Variants in TOM1L1 observed in about 807,000 individuals in gnomAD.
TOM1L1 encodes the protein target of myb1 like 1 membrane trafficking protein.
A neutral mutation model predicts 63.4 loss-of-function variants in TOM1L1; 64 were observed. The observed-to-expected ratio is 1.01, with a 90% CI of 0.83 to 1.24. The LOEUF (loss-of-function observed/expected upper bound fraction) is 1.24, where lower values mean the gene tolerates loss of function less well. Among genes scored for constraint, TOM1L1 ranks in the 50% most tolerant of loss-of-function variants. The pLI is 0.00. For synonymous variants in TOM1L1, 166 were observed against 194.4 expected, an observed-to-expected ratio of 0.85 and a Z score of 1.22; for missense variants, 536 against 567.0, an observed-to-expected ratio of 0.95 and a Z score of 0.55.
intron 14 of TOM1L1, among the ~76,000 whole-genome samples, chr17:54,955,795 C>A (rs1033975835): frequency 2.0e-5 from 3 of 152,174 alleles, no homozygotes; most frequent in African/African-American, 7.2e-5. Context: ...AAACCCAGAC[C>A]ACTCTTTTAG....
At chr17:54,941,945 A>G (rs1312216959) in intron 11 of TOM1L1, among the ~76,000 whole-genome samples, 4 of 152,190 alleles carry the variant, frequency 2.6e-5, no homozygotes, top group Non-Finnish European at 4.4e-5. Context: ...GAGAGGCAAA[A>G]TCAGCCATTA....
intron 8 of TOM1L1, among the ~76,000 whole-genome samples, chr17:54,930,594 C>T (rs894103707): frequency 2.0e-5 from 3 of 152,154 alleles, no homozygotes; most frequent in Admixed American, 6.5e-5. Context: ...ATCCCCAGCC[C>T]TTTGGGAGGC....
At chr17:54,911,280 C>G (rs540372174) in intron 3 of TOM1L1, among the ~76,000 whole-genome samples, 31 of 152,170 alleles carry the variant, frequency 2.0e-4, no homozygotes, top group Non-Finnish European at 3.7e-4. Context: ...CTGTCAGTTA[C>G]TCTTTGATTG....
intron 3 of TOM1L1, among the ~76,000 whole-genome samples, chr17:54,910,823 C>T (rs1031397782): frequency 4.6e-5 from 7 of 152,162 alleles, no homozygotes; most frequent in African/African-American, 1.7e-4. Context: ...GGTCACAGTG[C>T]CTTAAAACTA....
At chr17:54,937,816 T>C (rs201325960) in intron 10 of TOM1L1, 1 of 142,890 alleles carries the variant, frequency 7.0e-6, no homozygotes, top group Admixed American at 6.9e-5. Context: ...ATAAAATGCA[T>C]TGTAGCAAAG....
At chr17:54,908,448 A>G (rs949188981) in intron 3 of TOM1L1, among the ~76,000 whole-genome samples, 28 of 152,246 alleles carry the variant, frequency 1.8e-4, no homozygotes, top group Admixed American at 3.9e-4. Flanking sequence ...GGAGTCACCT[A>G]TGTCTGTCAA....
intron 10 of TOM1L1, 83 bp downstream of exon 10, chr17:54,937,309 C>A: frequency 9.1e-7 from 1 of 1,095,250 alleles, no homozygotes; most frequent in Non-Finnish European, 1.4e-6. Context: ...TTAAATACCA[C>A]CTAAGAAGGA....
chr17:54,946,046 T>A (rs539687234), intron 11 of TOM1L1, among the ~76,000 whole-genome samples: 340 of 152,322 alleles, frequency 2.2e-3, no homozygotes, highest in Middle Eastern at 0.01. Context: ...CTGGCTAGAT[T>A]CATTCCACAG....
intron 14 of TOM1L1, chr17:54,959,194 G>C (rs1567850973): frequency 6.6e-6 from 1 of 152,178 alleles, no homozygotes; most frequent in Non-Finnish European, 1.5e-5. Context: ...TGAACTTGGT[G>C]ATCATGGTTT....
At chr17:54,926,084 C>T (rs771201300) in intron 7 of TOM1L1, among the ~76,000 whole-genome samples, 2 of 152,214 alleles carry the variant, frequency 1.3e-5, no homozygotes, top group African/African-American at 2.4e-5. Context: ...CACCAACCCA[C>T]ACTGAACAAT....
At chr17:54,906,476 CAAA>C (rs57524831) in intron 3 of TOM1L1, among the ~76,000 whole-genome samples, 2 of 93,902 alleles carry the variant, frequency 2.1e-5, no homozygotes, top group African/African-American at 4.0e-5. Flanking sequence ...GACTCCTTCT[CAAA>C]AAAAAAAAAA....
chr17:54,938,232 A>C, intron 10 of TOM1L1, among the ~76,000 whole-genome samples: 1 of 152,052 alleles, frequency 6.6e-6, no homozygotes, highest in Non-Finnish European at 1.5e-5. Context: ...AGTGGCTCAC[A>C]CCTATAATCC....
intron 14 of TOM1L1, among the ~76,000 whole-genome samples, chr17:54,960,116 A>T (rs1002700056): frequency 6.6e-6 from 1 of 152,146 alleles, no homozygotes; most frequent in South Asian, 2.1e-4. Context: ...TAATCCCAGC[A>T]CTTTGGGAGG....
chr17:54,933,397 A>G (rs1304465196), intron 8 of TOM1L1, among the ~76,000 whole-genome samples: 1 of 152,262 alleles, frequency 6.6e-6, no homozygotes. Context: ...GTGAACCAAA[A>G]GTATCTGAGA....
At chr17:54,903,866 A>C in intron 2 of TOM1L1, 74 bp downstream of exon 2, 1 of 1,374,684 alleles carries the variant, frequency 7.3e-7, no homozygotes, top group Non-Finnish European at 1.0e-6. Context: ...TTCTCTTGCA[A>C]ATATTTCGGT....
At chr17:54,921,293 G>T (rs541239794) in intron 7 of TOM1L1, among the ~76,000 whole-genome samples, 1 of 152,254 alleles carries the variant, frequency 6.6e-6, no homozygotes, top group Non-Finnish European at 1.5e-5. Context: ...TAGGTATTTT[G>T]TTATGAGAAA....
intron 2 of TOM1L1, among the ~76,000 whole-genome samples, chr17:54,905,159 A>G (rs2048389695): frequency 6.6e-6 from 1 of 152,180 alleles, no homozygotes; most frequent in Non-Finnish European, 1.5e-5. Flanking sequence ...ATTGTTTCGG[A>G]AGTTGCATTT....
chr17:54,913,718 T>C (rs1484303333), intron 4 of TOM1L1, 30 bp from the exon 5 acceptor site: 1 of 1,564,936 alleles, frequency 6.4e-7, no homozygotes, highest in South Asian at 1.2e-5. Flanking sequence ...CTGTTTTAAC[T>C]CTGGAACTTT....
intron 14 of TOM1L1, chr17:54,956,949 C>T (rs1189644477): frequency 6.6e-6 from 1 of 152,192 alleles, no homozygotes; most frequent in Admixed American, 6.5e-5. Context: ...GGTAATGAAG[C>T]TATAGCATCT....
Sources: gnomAD v4.1 joint callset for allele counts (sites outside exome capture counted in the v4.1 genomes callset) on GRCh38, gnomAD v4.1.1 for gene constraint, MANE v1.5 for transcripts, NCBI Gene and HGNC (gene_info 2026-07-23, HGNC 2026-07-21) for gene names.